CACNB4: variants seen among roughly 807,000 people sequenced by gnomAD.
The protein encoded by CACNB4 is calcium voltage-gated channel auxiliary subunit beta 4.
Under a neutral mutation model 71.2 loss-of-function variants are expected in CACNB4, and 32 were observed. The ratio of observed to expected loss-of-function variants is 0.45; its 90% CI spans 0.34 to 0.60. The LOEUF is 0.60. CACNB4 is among the 20% of genes least tolerant of loss of function. The pLI, the probability that CACNB4 is intolerant of heterozygous loss-of-function variation, is 0.01. For synonymous variants in CACNB4, 231 were observed against 236.9 expected, an observed-to-expected ratio of 0.97 and a Z score of 0.23; for missense variants, 464 against 647.9, an observed-to-expected ratio of 0.72 and a Z score of 3.08.
intron 2 of CACNB4, among the ~76,000 whole-genome samples, chr2:151,905,525 G>C (rs1437072832): frequency 6.6e-6 from 1 of 152,156 alleles, no homozygotes; most frequent in East Asian, 1.9e-4. Context: ...CTTTAATTCA[G>C]AGACCTACAA....
chr2:152,081,216 T>C (rs533782253), intron 2 of CACNB4, among the ~76,000 whole-genome samples: 39 of 152,276 alleles, frequency 2.6e-4, no homozygotes, highest in African/African-American at 8.7e-4. Flanking sequence ...ACTAGAAGGA[T>C]GAGAAGGAAA....
Position 151,839,366 on chromosome 2 carries a change from C to G in CACNB4, c.1316G>C (p.Arg439Thr). 1 of 1,608,242 alleles carries G rather than the reference C, an allele frequency of 6.2e-7. No homozygotes were observed. The highest frequency in any genetic ancestry group is 8.5e-7 in the Non-Finnish European group (1 of 1,175,328). ...AISGLQSQRM[R>T]HSNHSTENSP... ...GTTCTCTGTGGAGTGGTTGCTGTGC[C>G]TCATTCGCTGACTCTAAAAATATCA... The change falls in exon 14 of 14, where the codon AGG becomes ACG. Residue 439 changes from arginine (R) to threonine (T), a missense_variant. Around this residue, in one of 3 missense-constraint regions of CACNB4, gnomAD observed 115 missense variants for 128.8 expected, o/e 0.89. Transcript: ENST00000539935.
chr2:152,009,201 A>AG (rs1305652363), intron 2 of CACNB4, among the ~76,000 whole-genome samples: 1 of 151,796 alleles, frequency 6.6e-6, no homozygotes, highest in South Asian at 2.1e-4. Context: ...AAAAAAAAAA[A>AG]AAAGAAAGAA....
chr2:151,932,911 G>A (rs1048768747), intron 2 of CACNB4, among the ~76,000 whole-genome samples: 2 of 150,852 alleles, frequency 1.3e-5, no homozygotes, highest in African/African-American at 2.4e-5. Context: ...AAGTGGCACA[G>A]AAAGAACACC....
intron 2 of CACNB4, chr2:151,970,789 G>C (rs2099872305): frequency 6.6e-6 from 1 of 152,242 alleles, no homozygotes; most frequent in Non-Finnish European, 1.5e-5. Flanking sequence ...AAGAAGTAAG[G>C]TGACGTTCTG....
chr2:151,840,483 G>A (rs747872721), intron 13 of CACNB4, among the ~76,000 whole-genome samples: 5 of 152,184 alleles, frequency 3.3e-5, no homozygotes, highest in Non-Finnish European at 7.4e-5. Flanking sequence ...ATTGCTTCAT[G>A]CATCTATTTC....
At chr2:152,040,178 T>C (rs1197501481) in intron 2 of CACNB4, among the ~76,000 whole-genome samples, 2 of 152,182 alleles carry the variant, frequency 1.3e-5, no homozygotes, top group Admixed American at 6.5e-5. Context: ...CTAACCCATA[T>C]ACTAGTTAAA....
intron 2 of CACNB4, chr2:151,970,159 T>A (rs2099872142): frequency 6.6e-6 from 1 of 152,232 alleles, no homozygotes; most frequent in African/African-American, 2.4e-5. Context: ...GTAGGAGCTT[T>A]AAATTTTGCA....
intron 2 of CACNB4, among the ~76,000 whole-genome samples, chr2:151,911,140 C>T (rs4664506): frequency 0.95 from 144,894 of 152,228 alleles, 69,369 homozygotes; most frequent in East Asian, 1. Context: ...GTGATTTTTG[C>T]ACATTGATTT....
intron 2 of CACNB4, among the ~76,000 whole-genome samples, chr2:152,072,542 T>C (rs1037990672): frequency 4.6e-5 from 7 of 152,220 alleles, no homozygotes; most frequent in African/African-American, 1.4e-4. Context: ...GTTATAGTAA[T>C]CTTTTAACAT....
intron 2 of CACNB4, among the ~76,000 whole-genome samples, chr2:151,958,121 C>T (rs889136851): frequency 1.3e-5 from 2 of 151,674 alleles, no homozygotes; most frequent in African/African-American, 2.4e-5. Flanking sequence ...TATCAACAGG[C>T]GCATAAATTA....
intron 2 of CACNB4, among the ~76,000 whole-genome samples, chr2:151,935,474 G>A (rs1372952390): frequency 2.0e-5 from 3 of 152,156 alleles, no homozygotes; most frequent in Non-Finnish European, 4.4e-5. Context: ...TGAAATTTAG[G>A]CTTTGATTTT....
chr2:151,927,128 G>A (rs1299530909), intron 2 of CACNB4, among the ~76,000 whole-genome samples: 1 of 152,128 alleles, frequency 6.6e-6, no homozygotes, highest in African/African-American at 2.4e-5. Flanking sequence ...TTTTGGAAAT[G>A]TTTCTGAAAA....
chr2:151,993,787 ACTC>A (rs1377288601), intron 2 of CACNB4, among the ~76,000 whole-genome samples: 1 of 150,670 alleles, frequency 6.6e-6, no homozygotes, highest in Non-Finnish European at 1.5e-5. Flanking sequence ...CTGGTCTCGA[ACTC>A]CTGACCTTGT....
chr2:151,926,697 AGTT>A (rs748374365), intron 2 of CACNB4, among the ~76,000 whole-genome samples: 5 of 152,248 alleles, frequency 3.3e-5, no homozygotes, highest in Non-Finnish European at 5.9e-5. Flanking sequence ...ATTACATTAT[AGTT>A]GTTACATATA....
chr2:152,099,065 C>T, upstream of CACNB4: 2 of 1,298,114 alleles, frequency 1.5e-6, no homozygotes, highest in South Asian at 2.8e-5. Context: ...GGGGGCTGGC[C>T]CCCGAGGCTG....
At chr2:151,877,739 A>C (rs1394944991) in intron 4 of CACNB4, among the ~76,000 whole-genome samples, 1 of 152,200 alleles carries the variant, frequency 6.6e-6, no homozygotes, top group African/African-American at 2.4e-5. Context: ...AAATTTTGCA[A>C]ATAACTTCCA....
In CACNB4 at chr2:151,833,959, T is replaced by TAATAACATCCCA. The variant is rs2099834350; in HGVS notation, c.*5159_*5160insTGGGATGTTATT. 2 of 152,062 alleles carry TAATAACATCCCA rather than the reference T, an allele frequency of 1.3e-5. No homozygotes were observed. Among genetic ancestry groups the TAATAACATCCCA allele is most frequent in the South Asian group, 4.1e-4 (2 of 4,838 alleles). 9.4% of individuals were successfully genotyped at this position (152,062 alleles called of 1,614,324 possible). On this transcript the variant is annotated 3_prime_UTR_variant, in exon 14 of 14. Coordinates refer to ENST00000539935, the MANE Select transcript of CACNB4 (RefSeq NM_000726.5). Reference sequence around the variant, plus strand: ...ATCCCAGAAAATATTGTAAGGCATATGAAAAATAGTATGCAACGATATAGC... The same window carrying TAATAACATCCCA: ...ATCCCAGAAAATATTGTAAGGCATATAATAACATCCCAGAAAAATAGTATGCAACGATATAGC...
At chr2:151,933,939 G>A (rs1242438302) in intron 2 of CACNB4, among the ~76,000 whole-genome samples, 1 of 152,194 alleles carries the variant, frequency 6.6e-6, no homozygotes, top group Admixed American at 6.5e-5. Context: ...GCAGTCTCAT[G>A]GCTATAGAAT....
Sources: allele counts gnomAD v4.1 joint callset (sites outside exome capture counted in the v4.1 genomes callset), GRCh38; gene constraint gnomAD v4.1.1; regional missense constraint gnomAD v4.1.1; transcripts MANE v1.5; gene names NCBI Gene and HGNC (gene_info 2026-07-23, HGNC 2026-07-21).